The following ADGB variants were observed in gnomAD, a reference collection of about 807,000 sequenced individuals.
ADGB encodes the protein androglobin.
Under a neutral mutation model 210.5 loss-of-function variants are expected in ADGB, and 172 were observed. The ratio of observed to expected loss-of-function variants is 0.82; its 90% CI spans 0.72 to 0.93. The LOEUF is 0.93. ADGB is among the 40% of genes least tolerant of loss of function. The probability of loss-of-function intolerance (pLI) is 0.00; values close to 1 mark genes in which losing one functional copy is unlikely to be tolerated. For missense variants in ADGB, 2,025 were observed against 1,964.8 expected (o/e 1.03, Z -0.58); for synonymous variants, 658 against 662.7 (o/e 0.99, Z 0.11).
At chr6:146,723,389 G>C (rs1202703352) in intron 17 of ADGB, among the ~76,000 whole-genome samples, 1 of 151,986 alleles carries the variant, frequency 6.6e-6, no homozygotes, top group East Asian at 1.9e-4. Flanking sequence ...TTTAAACTTT[G>C]TTAATTGCTT....
intron 20 of ADGB, among the ~76,000 whole-genome samples, chr6:146,732,575 T>C (rs1409975475): frequency 3.1e-5 from 3 of 96,092 alleles, no homozygotes; most frequent in Non-Finnish European, 5.9e-5. Flanking sequence ...GAAGCTATTT[T>C]GGTAAAAAAA....
chr6:146,655,982 T>C (rs953319248), intron 4 of ADGB, among the ~76,000 whole-genome samples: 2 of 152,184 alleles, frequency 1.3e-5, no homozygotes, highest in Non-Finnish European at 2.9e-5. Context: ...AATGGCTTCA[T>C]TGAACACCCA....
At chr6:146,651,436 G>A (rs145049405) in intron 3 of ADGB, among the ~76,000 whole-genome samples, 26 of 152,310 alleles carry the variant, frequency 1.7e-4, no homozygotes, top group African/African-American at 6.0e-4. Flanking sequence ...TTATTCAAAT[G>A]CTAGAAGTTG....
intron 10 of ADGB, among the ~76,000 whole-genome samples, chr6:146,686,939 C>G (rs1776240618): frequency 6.6e-6 from 1 of 152,102 alleles, no homozygotes; most frequent in Non-Finnish European, 1.5e-5. Context: ...GATTATTATA[C>G]TTTACTATGT....
At position 146,804,648 on chromosome 6, in the gene ADGB, C is replaced by A. The variant is rs114957789; in HGVS notation, c.4818+2637C>A. On this transcript the variant is annotated intron_variant, in intron 35 of 35. Coordinates refer to ENST00000397944, the MANE Select transcript of ADGB (RefSeq NM_024694.4). ...TATATCCAACATATATATCACCACC[C>A]TAGCCTAACCTGTCATTCTTTCTTA... Among the ~76,000 whole-genome samples, 873 of 152,298 alleles carry A rather than the reference C, an allele frequency of 5.7e-3. 7 individuals are homozygous for A. Among genetic ancestry groups the A allele is most frequent in the African/African-American group, 0.02 (831 of 41,544 alleles).
chr6:146,634,138 C>G (rs1775358453), intron 1 of ADGB, among the ~76,000 whole-genome samples: 1 of 152,020 alleles, frequency 6.6e-6, no homozygotes, highest in Non-Finnish European at 1.5e-5. Context: ...GTTACAGTTG[C>G]CTGCAATATT....
chr6:146,704,288 CA>C (rs561627253), intron 13 of ADGB, among the ~76,000 whole-genome samples: 379 of 139,740 alleles, frequency 2.7e-3, no homozygotes, highest in African/African-American at 5.1e-3. Flanking sequence ...CTTTTCTGTG[CA>C]AAAAAAAAAA....
At chr6:146,613,320 A>G (rs1238457818) in intron 1 of ADGB, among the ~76,000 whole-genome samples, 1 of 152,160 alleles carries the variant, frequency 6.6e-6, no homozygotes, top group African/African-American at 2.4e-5. Context: ...GTTTTCCTAC[A>G]TGTTTGATTT....
chr6:146,778,562 C>T (rs149111772), intron 29 of ADGB, among the ~76,000 whole-genome samples: 2 of 151,926 alleles, frequency 1.3e-5, no homozygotes, highest in African/African-American at 2.4e-5. Context: ...TAAGCCTTAT[C>T]CTTCCTCTCA....
chr6:146,786,638 C>T (rs1337593008), intron 32 of ADGB, among the ~76,000 whole-genome samples: 3 of 152,012 alleles, frequency 2.0e-5, no homozygotes, highest in Non-Finnish European at 4.4e-5. Flanking sequence ...GAGACCAAAG[C>T]TCAGAGAGCC....
At position 146,782,163 on chromosome 6, in the gene ADGB, G is replaced by C; in HGVS notation, c.4006G>C (p.Glu1336Gln). 1 of 1,537,706 alleles carries C rather than the reference G, an allele frequency of 6.5e-7. No individual in the cohort carries two copies. Among genetic ancestry groups the C allele is most frequent in the African/African-American group, 1.4e-5 (1 of 72,012 alleles). ...TTCTGAGAAAGAAAAGACAGCCAAA[G>C]AAAAACAAGCACCTCGCTTTGAGCC... The part of the protein sequence containing the change: ...KSSEKEKTAK[E>Q]KQAPRFEPQI... The change falls in exon 30 of 36, where the codon GAA becomes CAA. Residue 1336 changes from glutamate to glutamine, a missense_variant. Physicochemically the swap from Glu to Gln is conservative, Grantham distance 29. Coordinates refer to ENST00000397944, the MANE Select transcript of ADGB (RefSeq NM_024694.4).
Position 146,741,232 on chromosome 6 carries a change from G to A in ADGB, c.3138G>A (p.Val1046=), listed in dbSNP as rs750535917. The A allele has an allele frequency of 6.4e-7, 1 of 1,550,920 alleles. No homozygotes were observed. The highest frequency in any genetic ancestry group is 2.0e-5 in the Admixed American group (1 of 50,942). The change falls in exon 25 of 36, where the codon GTG becomes GTA. Residue 1046 remains valine, a synonymous_variant. Transcript: ENST00000397944. ...ACACAATGGAGCAAGTGCCAAAGGTGTTCCAAAAAGTGGTGCCTTATCTTT... is the reference window on the plus strand; with the variant it reads ...ACACAATGGAGCAAGTGCCAAAGGTATTCCAAAAAGTGGTGCCTTATCTTT... The part of the protein sequence containing the change: ...NNDTMEQVPK[V]FQKVVPYLYT...
chr6:146,622,627 C>A (rs1780911951), intron 1 of ADGB, among the ~76,000 whole-genome samples: 2 of 151,992 alleles, frequency 1.3e-5, no homozygotes, highest in Non-Finnish European at 2.9e-5. Context: ...GGGGTACAAA[C>A]CTTTTACCAG....
chr6:146,789,084 T>C (rs1309928267), intron 33 of ADGB, among the ~76,000 whole-genome samples: 1 of 152,240 alleles, frequency 6.6e-6, no homozygotes, highest in Non-Finnish European at 1.5e-5. Context: ...TATGGATTCA[T>C]ATCTGTTCAC....
At chr6:146,780,931 A>G (rs1777789550) in intron 29 of ADGB, among the ~76,000 whole-genome samples, 1 of 152,120 alleles carries the variant, frequency 6.6e-6, no homozygotes, top group Admixed American at 6.5e-5. Flanking sequence ...TGCAATATAG[A>G]CCATGTATAA....
chr6:146,697,746 C>T (rs77680328), intron 12 of ADGB, among the ~76,000 whole-genome samples: 3,617 of 152,124 alleles, frequency 0.024, 137 homozygotes, highest in African/African-American at 0.082. Context: ...CAAATCTTAA[C>T]GGCCAAAAGA....
chr6:146,786,669 T>G (rs1249187473), intron 32 of ADGB, among the ~76,000 whole-genome samples: 1 of 152,146 alleles, frequency 6.6e-6, no homozygotes, highest in Non-Finnish European at 1.5e-5. Context: ...TCCTAAGTCA[T>G]CCATCTCAAA....
At chr6:146,770,373 G>A (rs1208515912) in intron 29 of ADGB, 2 of 225,296 alleles carry the variant, frequency 8.9e-6, no homozygotes, top group Admixed American at 1.0e-4. Context: ...CTATAAAAAT[G>A]TATGACACCA....
chr6:146,779,256 A>C (rs1474433586), intron 29 of ADGB, among the ~76,000 whole-genome samples: 3 of 152,218 alleles, frequency 2.0e-5, no homozygotes, highest in Admixed American at 6.5e-5. Flanking sequence ...TCTCCACAAA[A>C]TGGTAGTCTG....
Sources: gnomAD v4.1 joint callset for allele counts (sites outside exome capture counted in the v4.1 genomes callset) on GRCh38, gnomAD v4.1.1 for gene constraint, MANE v1.5 for transcripts, NCBI Gene and HGNC (gene_info 2026-07-23, HGNC 2026-07-21) for gene names.